Variants in TMEM163 observed in about 807,000 individuals in gnomAD.
TMEM163 encodes the protein transmembrane protein 163.
TMEM163 carries 17 observed loss-of-function variants against 29.3 expected under a neutral mutation model. The observed-to-expected ratio is 0.58, with a 90% CI of 0.40 to 0.87. The LOEUF (loss-of-function observed/expected upper bound fraction) is 0.87. Among genes scored for constraint, TMEM163 ranks in the 40% least tolerant of loss-of-function variants. TMEM163 has a pLI of 0.00. For missense variants in TMEM163, 303 were observed against 381.5 expected (o/e 0.79, Z 1.71); for synonymous variants, 157 against 160.6 (o/e 0.98, Z 0.17).
intron 2 of TMEM163, among the ~76,000 whole-genome samples, chr2:134,556,276 G>A (rs1182066595): frequency 6.6e-6 from 1 of 152,196 alleles, no homozygotes; most frequent in Admixed American, 6.5e-5. Context: ...GCCAGTGTGA[G>A]TTGAGTTTCT....
At chr2:134,467,988 C>T (rs988544315) in intron 5 of TMEM163, 1 of 152,288 alleles carries the variant, frequency 6.6e-6, no homozygotes, top group African/African-American at 2.4e-5. Flanking sequence ...GACAACTCTT[C>T]AGTCCCTCCT....
chr2:134,615,891 A>G (rs1230539156), intron 2 of TMEM163, among the ~76,000 whole-genome samples: 1 of 152,136 alleles, frequency 6.6e-6, no homozygotes, highest in Non-Finnish European at 1.5e-5. Context: ...TCCTGACATC[A>G]GGTGATCTGC....
At chr2:134,612,399 C>T (rs747175402) in intron 2 of TMEM163, among the ~76,000 whole-genome samples, 7 of 152,144 alleles carry the variant, frequency 4.6e-5, no homozygotes, top group Non-Finnish European at 8.8e-5. Context: ...AGACTGCACA[C>T]GTGCAGGGCT....
intron 4 of TMEM163, among the ~76,000 whole-genome samples, chr2:134,519,010 G>A (rs1189435949): frequency 1.3e-5 from 2 of 152,126 alleles, no homozygotes; most frequent in Non-Finnish European, 2.9e-5. Context: ...GCAGACCCAG[G>A]ACTTCAACAT....
At chr2:134,664,866 T>TTTTTG (rs1683838183) in intron 2 of TMEM163, among the ~76,000 whole-genome samples, 1 of 152,126 alleles carries the variant, frequency 6.6e-6, no homozygotes, top group Non-Finnish European at 1.5e-5. Flanking sequence ...GTTGGGTTTT[T>TTTTTG]TTTTGTTTTG....
intron 2 of TMEM163, among the ~76,000 whole-genome samples, chr2:134,598,762 T>C (rs1488430942): frequency 6.6e-6 from 1 of 151,184 alleles, no homozygotes; most frequent in Non-Finnish European, 1.5e-5. Context: ...ACTAAAAAAA[T>C]ACAAAAAATT....
At chr2:134,578,430 G>A (rs749102000) in intron 2 of TMEM163, among the ~76,000 whole-genome samples, 4 of 152,138 alleles carry the variant, frequency 2.6e-5, no homozygotes, top group East Asian at 1.9e-4. Context: ...GAAATGTAAC[G>A]CGTGATGTTC....
rs1379462450 is a variant in TMEM163 at position 134,636,966 on chromosome 2, G to A, written c.322+76234C>T. Among the ~76,000 whole-genome samples, 3 of 152,012 alleles carry A rather than the reference G, an allele frequency of 2.0e-5. No individual in the cohort carries two copies. In the South Asian group the frequency reaches 6.2e-4, roughly 32 times the overall value. ...ACCAACCAGCACTTCTGACTCACTGGCCCCCCACCCACCACATTATCCTTA... is the reference window on the plus strand; with the variant it reads ...ACCAACCAGCACTTCTGACTCACTGACCCCCCACCCACCACATTATCCTTA... On this transcript the variant is annotated intron_variant, in intron 2 of 7. Coordinates refer to ENST00000281924, the MANE Select transcript of TMEM163 (RefSeq NM_030923.5).
chr2:134,589,947 C>T (rs1347036779), intron 2 of TMEM163, among the ~76,000 whole-genome samples: 2 of 152,140 alleles, frequency 1.3e-5, no homozygotes, highest in Non-Finnish European at 2.9e-5. Context: ...ACTCCTCCCA[C>T]CCAGTCCTCA....
Position 134,718,950 on chromosome 2 carries a change from G to A in TMEM163, c.-15C>T. 9.6e-7 allele frequency: 1 copy of A among 1,036,404 alleles called. No individual in the cohort carries two copies. The highest frequency in any genetic ancestry group is 1.2e-6 in the Non-Finnish European group (1 of 864,958). 64.2% of individuals were successfully genotyped at this position (1,036,404 alleles called of 1,614,324 possible). ...GCCGGCTCCATGGCGCGGGGCTGCG[G>A]ATCCCGGCGGCGGCGACGACAAGCG... On this transcript the variant is annotated 5_prime_UTR_variant, in exon 1 of 8. Transcript: ENST00000281924.
chr2:134,481,381 G>A (rs866171333), intron 5 of TMEM163, among the ~76,000 whole-genome samples: 6 of 151,456 alleles, frequency 4.0e-5, no homozygotes, highest in Non-Finnish European at 7.4e-5. Flanking sequence ...GAATCATGGG[G>A]GGGGGGGGAG....
chr2:134,674,690 A>G lies in TMEM163; in HGVS notation c.322+38510T>C, dbSNP rs147635754. On this transcript the variant is annotated intron_variant, in intron 2 of 7. Transcript: ENST00000281924. ...GTTTAAAAAAAAACAAAACCTGACA[A>G]ATAGAGCCAAAGAAGGCCATGAAGA... Among the ~76,000 whole-genome samples, 718 of 152,218 alleles carry G rather than the reference A, an allele frequency of 4.7e-3. 4 individuals are homozygous for G. Among genetic ancestry groups the G allele is most frequent in the African/African-American group, 0.016 (684 of 41,542 alleles).
chr2:134,510,326 A>C (rs545336912), intron 4 of TMEM163, among the ~76,000 whole-genome samples: 8 of 152,228 alleles, frequency 5.3e-5, no homozygotes, highest in Admixed American at 2.0e-4. Context: ...AAGTTGGAAC[A>C]CACAGGTCTG....
chr2:134,605,838 T>C (rs1682343589), intron 2 of TMEM163, among the ~76,000 whole-genome samples: 3 of 152,172 alleles, frequency 2.0e-5, no homozygotes, highest in Admixed American at 1.3e-4. Flanking sequence ...GACAACAATG[T>C]ATTGTGTAAG....
chr2:134,668,710 G>T (rs1487141931), intron 2 of TMEM163, among the ~76,000 whole-genome samples: 1 of 151,622 alleles, frequency 6.6e-6, no homozygotes, highest in African/African-American at 2.4e-5. Context: ...TGAATACATA[G>T]TAAGCACATA....
chr2:134,618,044 G>A (rs535247478), intron 2 of TMEM163, among the ~76,000 whole-genome samples: 2 of 152,164 alleles, frequency 1.3e-5, no homozygotes, highest in South Asian at 2.1e-4. Context: ...AGCCCAGGAA[G>A]TTGAGGCTGC....
At chr2:134,547,467 C>G (rs1680817887) in intron 4 of TMEM163, among the ~76,000 whole-genome samples, 1 of 152,180 alleles carries the variant, frequency 6.6e-6, no homozygotes, top group African/African-American at 2.4e-5. Context: ...AGCTAAGGGC[C>G]AGTTGCATAT....
chr2:134,676,338 A>C (rs1419737299), intron 2 of TMEM163, among the ~76,000 whole-genome samples: 1 of 152,136 alleles, frequency 6.6e-6, no homozygotes, highest in African/African-American at 2.4e-5. Flanking sequence ...AGAGGCCTGA[A>C]TCTCCACTCA....
chr2:134,659,123 C>T (rs1217488888), intron 2 of TMEM163, among the ~76,000 whole-genome samples: 1 of 152,176 alleles, frequency 6.6e-6, no homozygotes. Flanking sequence ...CAGCATGTTA[C>T]TAGACTGAAT....
Sources: gnomAD v4.1 joint callset for allele counts (sites outside exome capture counted in the v4.1 genomes callset) on GRCh38, gnomAD v4.1.1 for gene constraint, MANE v1.5 for transcripts, NCBI Gene and HGNC (gene_info 2026-07-23, HGNC 2026-07-21) for gene names.